Variants in SMYD3 observed in about 807,000 individuals in gnomAD.
SMYD3 encodes the protein histone-lysine N-methyltransferase SMYD3.
In SMYD3, 36 loss-of-function variants were observed where a neutral mutation model predicts 57.7. The observed-to-expected ratio is 0.62, with a 90% CI of 0.48 to 0.82. The LOEUF (loss-of-function observed/expected upper bound fraction) is 0.82, where lower values mean the gene tolerates loss of function less well. Among genes scored for constraint, SMYD3 ranks in the 40% least tolerant of loss-of-function variants. The probability of loss-of-function intolerance (pLI) is 0.00; values close to 1 mark genes in which losing one functional copy is unlikely to be tolerated. For missense variants in SMYD3, 515 were observed against 538.8 expected (o/e 0.96, Z 0.44); for synonymous variants, 211 against 195.0 (o/e 1.08, Z -0.68).
intron 5 of SMYD3, among the ~76,000 whole-genome samples, chr1:246,045,287 T>C (rs1427739536): frequency 1.3e-5 from 2 of 152,168 alleles, no homozygotes; most frequent in East Asian, 1.9e-4. Flanking sequence ...AACAGAGAGA[T>C]AGACCAATGG....
intron 5 of SMYD3, among the ~76,000 whole-genome samples, chr1:246,180,207 C>T (rs6676341): frequency 6.8e-6 from 1 of 146,954 alleles, no homozygotes; most frequent in African/African-American, 2.5e-5. Context: ...TATATATACA[C>T]ATATATTAGA....
chr1:245,939,294 C>T (rs1475158314), intron 5 of SMYD3, among the ~76,000 whole-genome samples: 1 of 152,004 alleles, frequency 6.6e-6, no homozygotes, highest in African/African-American at 2.4e-5. Context: ...TTAGCAGGAC[C>T]CTCTTGACTA....
At chr1:246,313,886 G>C (rs1268382758) in intron 5 of SMYD3, among the ~76,000 whole-genome samples, 1 of 152,084 alleles carries the variant, frequency 6.6e-6, no homozygotes, top group African/African-American at 2.4e-5. Flanking sequence ...ACCCAATAAT[G>C]GCTTGAAAAT....
At chr1:245,801,201 T>C (rs898297751) in intron 10 of SMYD3, among the ~76,000 whole-genome samples, 1 of 152,254 alleles carries the variant, frequency 6.6e-6, no homozygotes, top group Non-Finnish European at 1.5e-5. Flanking sequence ...CAATTACAAA[T>C]GTTTAAAATA....
chr1:246,486,780 A>C (rs2068194881), intron 1 of SMYD3, among the ~76,000 whole-genome samples: 2 of 152,222 alleles, frequency 1.3e-5, no homozygotes, highest in South Asian at 4.1e-4. Flanking sequence ...CTTCAAAAAA[A>C]GTAATCTCAC....
At chr1:245,771,804 A>G (rs1395351805) in intron 10 of SMYD3, among the ~76,000 whole-genome samples, 1 of 152,142 alleles carries the variant, frequency 6.6e-6, no homozygotes, top group Non-Finnish European at 1.5e-5. Flanking sequence ...TAACTTTATT[A>G]GTAATATGAT....
intron 8 of SMYD3, among the ~76,000 whole-genome samples, chr1:245,909,948 T>C (rs946911637): frequency 6.6e-6 from 1 of 152,106 alleles, no homozygotes; most frequent in African/African-American, 2.4e-5. Flanking sequence ...AACACAGTAC[T>C]GGAATTCCTA....
At chr1:246,459,245 T>G (rs2067755629) in intron 1 of SMYD3, among the ~76,000 whole-genome samples, 1 of 151,870 alleles carries the variant, frequency 6.6e-6, no homozygotes, top group South Asian at 2.1e-4. Flanking sequence ...CACTCTCTCC[T>G]GCTCTGCTGT....
intron 2 of SMYD3, among the ~76,000 whole-genome samples, chr1:246,346,838 T>C (rs1316242036): frequency 6.6e-6 from 1 of 152,186 alleles, no homozygotes; most frequent in Non-Finnish European, 1.5e-5. Context: ...GAGCGAGCAT[T>C]AGTACCAGAC....
intron 10 of SMYD3, among the ~76,000 whole-genome samples, chr1:245,793,125 C>G (rs58127975): frequency 4.8e-5 from 7 of 145,158 alleles, no homozygotes; most frequent in African/African-American, 1.8e-4. Context: ...CTGGCTAACA[C>G]GGTGAAACCC....
intron 5 of SMYD3, among the ~76,000 whole-genome samples, chr1:245,972,787 A>G (rs2058333261): frequency 6.6e-6 from 1 of 152,230 alleles, no homozygotes; most frequent in Admixed American, 6.5e-5. Flanking sequence ...AACACCATGG[A>G]AAGAATCCGG....
At position 246,051,557 on chromosome 1, in the gene SMYD3, T is replaced by C. The variant is rs564094067; in HGVS notation, c.532-121620A>G. On this transcript the variant is annotated intron_variant, in intron 5 of 11. Transcript: ENST00000490107. ...TAAGACTAACATGAGTCACTTTCCGTTTTCCAATCAATTTATAGATTAAAT... is the reference window on the plus strand; with the variant it reads ...TAAGACTAACATGAGTCACTTTCCGCTTTCCAATCAATTTATAGATTAAAT... Among the ~76,000 whole-genome samples the C allele has an allele frequency of 2.0e-5, 3 of 152,190 alleles. 1 individual carries two copies. The highest frequency in any genetic ancestry group is 2.0e-4 in the Admixed American group (3 of 15,292).
intron 11 of SMYD3, among the ~76,000 whole-genome samples, chr1:245,756,159 T>G (rs992934355): frequency 2.7e-5 from 4 of 149,036 alleles, no homozygotes; most frequent in Non-Finnish European, 5.9e-5. Context: ...ATAATATACA[T>G]GTGTATGCAT....
At chr1:245,921,571 A>ATATATATATATATAT (rs2055954785) in intron 7 of SMYD3, among the ~76,000 whole-genome samples, 1 of 149,054 alleles carries the variant, frequency 6.7e-6, no homozygotes, top group East Asian at 2.1e-4. Context: ...ATATATATAT[A>ATATATATATATATAT]CACATACCAT....
At chr1:246,395,700 GGCTGGACAGGGAAGACGAACACACCA>G (rs1274633715) in intron 1 of SMYD3, among the ~76,000 whole-genome samples, 42 of 33,982 alleles carry the variant, frequency 1.2e-3, no homozygotes, top group Admixed American at 2.1e-3. Flanking sequence ...AACCCACCAT[GGCTGGACAGGGAAGACGAACACACCA>G]GTCAGACAGG....
At chr1:245,915,913 G>A (rs2055378183) in intron 7 of SMYD3, among the ~76,000 whole-genome samples, 1 of 151,890 alleles carries the variant, frequency 6.6e-6, no homozygotes, top group African/African-American at 2.4e-5. Context: ...TTGTATCTTA[G>A]TTTTTTTCAC....
At chr1:245,851,823 A>C (rs557845917) in intron 10 of SMYD3, among the ~76,000 whole-genome samples, 26 of 152,314 alleles carry the variant, frequency 1.7e-4, no homozygotes, top group Admixed American at 6.5e-4. Context: ...GGTCCTCTGA[A>C]AGATGGTTGA....
chr1:246,113,594 AAG>A (rs2061290707), intron 5 of SMYD3: 1 of 152,122 alleles, frequency 6.6e-6, no homozygotes, highest in Non-Finnish European at 1.5e-5. Context: ...CAAGGAGGAA[AAG>A]AGAGTATCTT....
chr1:246,036,427 T>G (rs1452556679), intron 5 of SMYD3, among the ~76,000 whole-genome samples: 2 of 152,212 alleles, frequency 1.3e-5, no homozygotes, highest in African/African-American at 4.8e-5. Flanking sequence ...TCTTGGGATG[T>G]TATTTTATAC....
Sources: allele counts gnomAD v4.1 joint callset (sites outside exome capture counted in the v4.1 genomes callset), GRCh38; gene constraint gnomAD v4.1.1; transcripts MANE v1.5; gene names NCBI Gene and HGNC (gene_info 2026-07-23, HGNC 2026-07-21).